NOX4: variants seen among roughly 807,000 people sequenced by gnomAD.
NOX4 encodes the protein NADPH oxidase 4.
In NOX4, 69 loss-of-function variants were observed where a neutral mutation model predicts 87.6. The ratio of observed to expected loss-of-function variants is 0.79; its 90% CI spans 0.65 to 0.96. NOX4 has a LOEUF of 0.96. NOX4 is among the 40% of genes least tolerant of loss of function. NOX4 has a pLI of 0.00. For synonymous variants in NOX4, 275 were observed against 238.2 expected, an observed-to-expected ratio of 1.15 and a Z score of -1.42; for missense variants, 680 against 681.5, an observed-to-expected ratio of 1.00 and a Z score of 0.02.
At chr11:89,578,263 G>A in the NOX4 span, among the ~76,000 whole-genome samples, 2 of 151,780 alleles carry the variant, frequency 1.3e-5, no homozygotes, top group African/African-American at 4.8e-5. Flanking sequence ...CCGGGTTCAA[G>A]CAATTCACCT....
the NOX4 span, among the ~76,000 whole-genome samples, chr11:89,504,667 C>A: frequency 6.6e-6 from 1 of 151,940 alleles, no homozygotes; most frequent in Admixed American, 6.6e-5. Flanking sequence ...GTGAATTATA[C>A]ATCAGGATAT....
chr11:89,429,523 G>A (rs1943657109), intron 7 of NOX4, among the ~76,000 whole-genome samples: 1 of 152,090 alleles, frequency 6.6e-6, no homozygotes, highest in African/African-American at 2.4e-5. Flanking sequence ...AATGATACAG[G>A]GGATATCAAC....
chr11:89,371,319 A>G (rs4002239), intron 12 of NOX4, among the ~76,000 whole-genome samples: 3 of 152,002 alleles, frequency 2.0e-5, no homozygotes, highest in Non-Finnish European at 4.4e-5. Flanking sequence ...GCATCTGACT[A>G]GAACTGAACT....
At chr11:89,359,941 T>C (rs1467370642) in intron 12 of NOX4, among the ~76,000 whole-genome samples, 4 of 152,140 alleles carry the variant, frequency 2.6e-5, no homozygotes, top group Non-Finnish European at 4.4e-5. Flanking sequence ...GCTCACATTA[T>C]ACTAATTTGC....
intron 6 of NOX4, among the ~76,000 whole-genome samples, chr11:89,436,440 TC>T (rs1290400398): frequency 5.9e-5 from 9 of 152,198 alleles, no homozygotes; most frequent in Non-Finnish European, 1.3e-4. Context: ...GTACCTTGAT[TC>T]TCCTGTGAAT....
intron 17 of NOX4, among the ~76,000 whole-genome samples, chr11:89,329,509 C>T (rs572620909): frequency 3.3e-5 from 5 of 149,974 alleles, no homozygotes; most frequent in South Asian, 4.2e-4. Context: ...CTCATTAAAT[C>T]TCAAGGAGAA....
At chr11:89,416,542 G>A (rs1413773478) in intron 8 of NOX4, among the ~76,000 whole-genome samples, 2 of 152,204 alleles carry the variant, frequency 1.3e-5, no homozygotes, top group South Asian at 2.1e-4. Flanking sequence ...CCTGAGGCCC[G>A]AGGCCATAAT....
At chr11:89,459,204 T>C (rs138986869) in intron 2 of NOX4, among the ~76,000 whole-genome samples, 132 of 151,922 alleles carry the variant, frequency 8.7e-4, no homozygotes, top group African/African-American at 3.0e-3. Flanking sequence ...GAAAACCAAA[T>C]ACCGAGAACA....
the NOX4 span, among the ~76,000 whole-genome samples, chr11:89,533,365 T>C: frequency 6.6e-6 from 1 of 152,118 alleles, no homozygotes; most frequent in African/African-American, 2.4e-5. Flanking sequence ...ACTAAAGATA[T>C]AGTTGCTGCC....
At chr11:89,440,038 A>G (rs539319911) in intron 6 of NOX4, among the ~76,000 whole-genome samples, 2 of 152,314 alleles carry the variant, frequency 1.3e-5, no homozygotes, top group South Asian at 4.1e-4. Flanking sequence ...AACATGCATT[A>G]TCTCCTACAG....
At chr11:89,352,583 T>C (rs1018436845) in intron 13 of NOX4, among the ~76,000 whole-genome samples, 5 of 152,064 alleles carry the variant, frequency 3.3e-5, no homozygotes, top group Admixed American at 6.6e-5. Flanking sequence ...ATATCAACAT[T>C]AATAGGAGTT....
At chr11:89,521,351 G>A in the NOX4 span, among the ~76,000 whole-genome samples, 34 of 152,060 alleles carry the variant, frequency 2.2e-4, no homozygotes, top group African/African-American at 6.7e-4. Context: ...CCACTGGACC[G>A]GAATAGAGAA....
At chr11:89,357,808 G>A (rs1938184953) in intron 12 of NOX4, among the ~76,000 whole-genome samples, 1 of 152,040 alleles carries the variant, frequency 6.6e-6, no homozygotes, top group Non-Finnish European at 1.5e-5. Context: ...AGCAATAAGT[G>A]TTTCTCTTTT....
the NOX4 span, among the ~76,000 whole-genome samples, chr11:89,569,216 C>CAT: frequency 6.6e-6 from 1 of 150,386 alleles, no homozygotes; most frequent in African/African-American, 2.4e-5. Flanking sequence ...CAAGTAGGAT[C>CAT]TAATTAAAGA....
At chr11:89,543,177 T>C in the NOX4 span, among the ~76,000 whole-genome samples, 1 of 152,106 alleles carries the variant, frequency 6.6e-6, no homozygotes, top group African/African-American at 2.4e-5. Flanking sequence ...GTAACAAAAC[T>C]TCACTTGTAC....
chr11:89,385,597 C>T (rs1177462111), intron 11 of NOX4, among the ~76,000 whole-genome samples: 1 of 152,176 alleles, frequency 6.6e-6, no homozygotes, highest in East Asian at 1.9e-4. Flanking sequence ...CCTCTTAAAA[C>T]CTCTCATTTT....
At chr11:89,440,777 T>C in intron 5 of NOX4, 62 bp from the exon 6 acceptor site, 1 of 952,564 alleles carries the variant, frequency 1.0e-6, no homozygotes, top group Non-Finnish European at 1.6e-6. Context: ...TATAATTCTA[T>C]AAAGAGTATG....
chr11:89,428,434 G>C lies in NOX4; in HGVS notation c.548+4350C>G, dbSNP rs558555090. On this transcript the variant is annotated intron_variant, in intron 7 of 17. Transcript: ENST00000263317. Reference sequence around the variant, plus strand: ...AATGCACAGACTGGCAAACTGGATAGAGTCAAGACCCATCAGTGTGCTGTA... The same window carrying C: ...AATGCACAGACTGGCAAACTGGATACAGTCAAGACCCATCAGTGTGCTGTA... Among the ~76,000 whole-genome samples the C allele has an allele frequency of 4.9e-4, 75 of 151,984 alleles. 1 individual carries two copies. The highest frequency in any genetic ancestry group is 1.7e-3 in the African/African-American group (72 of 41,434).
intron 2 of NOX4, among the ~76,000 whole-genome samples, chr11:89,468,980 T>G (rs2135437032): frequency 6.6e-6 from 1 of 152,274 alleles, no homozygotes; most frequent in South Asian, 2.1e-4. Flanking sequence ...TCCTCCAGCC[T>G]CAGCCTCCCA....
Sources: allele counts gnomAD v4.1 joint callset (sites outside exome capture counted in the v4.1 genomes callset), GRCh38; gene constraint gnomAD v4.1.1; transcripts MANE v1.5; gene names NCBI Gene and HGNC (gene_info 2026-07-23, HGNC 2026-07-21).